LIMK2: variants seen among roughly 807,000 people sequenced by gnomAD.
The protein encoded by LIMK2 is LIM domain kinase 2.
LIMK2 carries 35 observed loss-of-function variants against 75.7 expected under a neutral mutation model. The ratio of observed to expected loss-of-function variants is 0.46; its 90% confidence interval spans 0.35 to 0.61. LIMK2 has a LOEUF of 0.61. LIMK2 is among the 20% of genes least tolerant of loss of function. The probability of loss-of-function intolerance (pLI) is 0.00; values close to 1 mark genes in which losing one functional copy is unlikely to be tolerated. For missense variants in LIMK2, 623 were observed against 831.0 expected (o/e 0.75, Z 3.08); for synonymous variants, 301 against 319.2 (o/e 0.94, Z 0.61).
intron 5 of LIMK2, among the ~76,000 whole-genome samples, chr22:31,261,545 C>CAAAAAAAAAAAA (rs574806431): frequency 1.6e-5 from 2 of 126,368 alleles, no homozygotes; most frequent in African/African-American, 2.9e-5. Context: ...GACTCCATCT[C>CAAAAAAAAAAAA]AAAAAAAAAA....
chr22:31,258,812 A>G (rs781714466), intron 3 of LIMK2: 1 of 415,674 alleles, frequency 2.4e-6, no homozygotes, highest in Non-Finnish European at 4.5e-6. Context: ...TGCTCTGGAC[A>G]AACGACTTTA....
At chr22:31,273,431 T>G (rs752792550) in intron 13 of LIMK2, 21 bp from the exon 14 acceptor site, 1 of 1,608,856 alleles carries the variant, frequency 6.2e-7, no homozygotes, top group South Asian at 1.1e-5. Flanking sequence ...CTTAACAGTG[T>G]GCTCTCCTGT....
In LIMK2 at chr22:31,278,618, G is replaced by C. The variant is rs1569007236; in HGVS notation, c.*177G>C. On this transcript the variant is annotated 3_prime_UTR_variant, in exon 16 of 16. Transcript: ENST00000331728. ...CAAGTGGGCGCAGCACCAGGGAAAT[G>C]TATCTCCACAGGTTCTGGGGCCTAG... The C allele has an allele frequency of 1.9e-6, 1 of 517,612 alleles. No homozygotes were observed. Among genetic ancestry groups the C allele is most frequent in the East Asian group, 3.3e-5 (1 of 30,226 alleles). 32.1% of individuals were successfully genotyped at this position (517,612 alleles called of 1,614,324 possible).
intron 12 of LIMK2, among the ~76,000 whole-genome samples, chr22:31,271,515 A>G (rs2048956362): frequency 6.6e-6 from 1 of 152,130 alleles, no homozygotes; most frequent in Non-Finnish European, 1.5e-5. Context: ...GTCTTGTAAA[A>G]CAGTTCATTG....
In LIMK2 at chr22:31,278,864, T is replaced by G. The variant is rs184861250; in HGVS notation, c.*423T>G. The G allele has an allele frequency of 3.5e-3, 553 of 156,070 alleles. 7 individuals carry two copies. Among genetic ancestry groups the G allele is most frequent in the African/African-American group, 0.013 (522 of 41,668 alleles). 9.7% of individuals were successfully genotyped at this position (156,070 alleles called of 1,614,324 possible). A position where few individuals can be genotyped will look rare whatever the true frequency, so the allele number is the denominator to read the frequency against. On this transcript the variant is annotated 3_prime_UTR_variant, in exon 16 of 16. Coordinates refer to ENST00000331728, the MANE Select transcript of LIMK2 (RefSeq NM_005569.4). ...CTCTGAAGTCACTAGTCCAGCTGGG[T>G]GCAGGAGGACTTCAAGTGTGTGGAC...
intron 4 of LIMK2, among the ~76,000 whole-genome samples, 157 bp from the exon 5 acceptor site, chr22:31,259,732 C>T (rs1395723153): frequency 6.6e-6 from 1 of 152,172 alleles, no homozygotes; most frequent in Non-Finnish European, 1.5e-5. Context: ...CCCTGAGAAC[C>T]CAGGCTCCTC....
At chr22:31,232,991 C>G (rs1330585421) in intron 2 of LIMK2, among the ~76,000 whole-genome samples, 1 of 152,192 alleles carries the variant, frequency 6.6e-6, no homozygotes, top group Non-Finnish European at 1.5e-5. Flanking sequence ...CATTCTGTTT[C>G]TCCCCTGAAA....
intron 2 of LIMK2, among the ~76,000 whole-genome samples, chr22:31,250,738 G>A (rs147322505): frequency 2.2e-4 from 33 of 152,230 alleles, no homozygotes; most frequent in South Asian, 6.2e-4. Flanking sequence ...TCTGCCATTA[G>A]CCCCTCCCTC....
chr22:31,265,528 ACT>A (rs1287614454), intron 7 of LIMK2, among the ~76,000 whole-genome samples: 1 of 150,842 alleles, frequency 6.6e-6, no homozygotes, highest in Non-Finnish European at 1.5e-5. Flanking sequence ...ACAGAGCGAG[ACT>A]CTGTCTCAAA....
rs558361473 is a variant in LIMK2, at chr22:31,248,854, C to T, written c.117-9437C>T. On this transcript the variant is annotated intron_variant, in intron 2 of 15. Transcript: ENST00000331728. The stretch of plus-strand genomic sequence containing the variant: ...GTGGTCTCCCTAAATCTCCTTCTCA[C>T]TTAGTCCTTTACCATCGGTTCTGCC... The T allele has an allele frequency of 2.8e-6, 4 of 1,421,866 alleles. No homozygotes were observed. In the South Asian group the frequency reaches 3.5e-5, roughly 12 times the overall value. 88.1% of individuals were successfully genotyped at this position (1,421,866 alleles called of 1,614,324 possible).
chr22:31,272,997 A>T, intron 13 of LIMK2: 1 of 1,188,848 alleles, frequency 8.4e-7, no homozygotes, highest in Non-Finnish European at 1.0e-6. Context: ...TTCTCTCTCC[A>T]TGGTGAGAAC....
At chr22:31,233,306 G>A (rs1443677914) in intron 2 of LIMK2, among the ~76,000 whole-genome samples, 1 of 152,238 alleles carries the variant, frequency 6.6e-6, no homozygotes, top group African/African-American at 2.4e-5. Context: ...TGAGCAGAAT[G>A]TCTGGCCATG....
intron 11 of LIMK2, 128 bp downstream of exon 11, chr22:31,268,328 G>T: frequency 1.3e-6 from 1 of 783,088 alleles, no homozygotes; most frequent in East Asian, 2.5e-5. Flanking sequence ...GCTATTCATT[G>T]AGTTTGTCTG....
intron 1 of LIMK2, among the ~76,000 whole-genome samples, chr22:31,222,378 T>G (rs953530594): frequency 7.8e-6 from 1 of 128,142 alleles, no homozygotes; most frequent in Non-Finnish European, 1.7e-5. Flanking sequence ...GCCTCTTTTT[T>G]TTTTTTTTTT....
At chr22:31,225,939 A>G (rs2048473964) in intron 2 of LIMK2, 120 bp downstream of exon 2, 2 of 784,788 alleles carry the variant, frequency 2.5e-6, no homozygotes, top group Admixed American at 2.1e-5. Context: ...AGGGTGGGGA[A>G]AGGAATGTAC....
At chr22:31,265,246 C>T (rs1202436581) in intron 7 of LIMK2, among the ~76,000 whole-genome samples, 1 of 133,618 alleles carries the variant, frequency 7.5e-6, no homozygotes, top group Non-Finnish European at 1.6e-5. Context: ...TGCACCTATA[C>T]TCCCAGCTAC....
At position 31,212,947 on chromosome 22, in the gene LIMK2, C is replaced by T. The variant is rs371235605; in HGVS notation, c.16+523C>T. On this transcript the variant is annotated intron_variant, in intron 1 of 15. Coordinates refer to ENST00000331728, the MANE Select transcript of LIMK2 (RefSeq NM_005569.4). Reference sequence around the variant, plus strand: ...GCCAAGACCCAAGGCTTCTCGCGGGCATCTTGGTGTCTGGGAGTCCCCCGG... The same window carrying T: ...GCCAAGACCCAAGGCTTCTCGCGGGTATCTTGGTGTCTGGGAGTCCCCCGG... 3.0e-4 allele frequency among the ~76,000 whole-genome samples: 46 copies of T among 152,250 alleles called. No homozygotes were observed. The East Asian group carries it at 8.1e-3, about 27-fold the overall frequency.
At chr22:31,266,242 C>A (rs1384531539) in intron 8 of LIMK2, 110 bp downstream of exon 8, 1 of 1,100,544 alleles carries the variant, frequency 9.1e-7, no homozygotes, top group Non-Finnish European at 1.3e-6. Context: ...GGATGCCAGG[C>A]CTCCTTCCTG....
chr22:31,266,169 C>T, intron 8 of LIMK2, 37 bp downstream of exon 8: 1 of 1,600,228 alleles, frequency 6.2e-7, no homozygotes, highest in Non-Finnish European at 8.6e-7. Context: ...TCTTCTGCCC[C>T]CAGTCCCTCT....
Sources: gnomAD v4.1 joint callset for allele counts (sites outside exome capture counted in the v4.1 genomes callset) on GRCh38, gnomAD v4.1.1 for gene constraint, MANE v1.5 for transcripts, NCBI Gene and HGNC (gene_info 2026-07-23, HGNC 2026-07-21) for gene names.